ACAP2: variants seen among roughly 807,000 people sequenced by gnomAD.
The protein encoded by ACAP2 is arf-GAP with coiled-coil, ANK repeat and PH domain-containing protein 2.
In ACAP2, 39 loss-of-function variants were observed where a neutral mutation model predicts 115.8. That is an observed-to-expected ratio of 0.34 (90% confidence interval 0.26 to 0.44). The LOEUF (loss-of-function observed/expected upper bound fraction) is 0.44. Ranked by LOEUF, ACAP2 falls within the 20% of genes least tolerant of loss-of-function variation. The pLI, the probability that ACAP2 is intolerant of heterozygous loss-of-function variation, is 1.00. For missense variants in ACAP2, 662 were observed against 927.6 expected, an observed-to-expected ratio of 0.71 and a Z score of 3.72; for synonymous variants, 289 against 315.8, an observed-to-expected ratio of 0.92 and a Z score of 0.90.
At chr3:195,361,032 G>A (rs897327726) in intron 4 of ACAP2, among the ~76,000 whole-genome samples, 3 of 146,928 alleles carry the variant, frequency 2.0e-5, no homozygotes, top group African/African-American at 7.5e-5. Flanking sequence ...GATCTTCTCC[G>A]ACCACAATGG....
chr3:195,351,441 CGTGTGTGTGTGTGTGTGTGTGTGT>C lies in ACAP2; in HGVS notation c.286-6148_286-6125del, dbSNP rs56049053. On this transcript the variant is annotated intron_variant, in intron 4 of 22. Coordinates refer to ENST00000326793, the MANE Select transcript of ACAP2 (RefSeq NM_012287.6). ...CAATAAATCCATATTTTTTCTTTTTCGTGTGTGTGTGTGTGTGTGTGTGTGTGTGTGTGTGTGTGTGTGTGACGG... is the reference window on the plus strand; with the variant it reads ...CAATAAATCCATATTTTTTCTTTTTCGTGTGTGTGTGTGTGTGTGTGACGG... 3.0e-3 allele frequency among the ~76,000 whole-genome samples: 384 copies of C among 130,054 alleles called. 1 individual carries two copies. The highest frequency in any genetic ancestry group is 0.011 in the African/African-American group (376 of 33,892). The allele number at this position is 130,054 out of a possible 152,430, so 85.3% of individuals were successfully genotyped here. A position where few individuals can be genotyped will look rare whatever the true frequency, so the allele number is the denominator to read the frequency against.
chr3:195,421,095 T>G (rs968516108), intron 1 of ACAP2, among the ~76,000 whole-genome samples: 1 of 152,192 alleles, frequency 6.6e-6, no homozygotes, highest in Non-Finnish European at 1.5e-5. Context: ...TATTATCTGT[T>G]TATATATAAT....
chr3:195,398,314 A>C (rs953005056), intron 1 of ACAP2, among the ~76,000 whole-genome samples: 1 of 152,218 alleles, frequency 6.6e-6, no homozygotes, highest in Non-Finnish European at 1.5e-5. Flanking sequence ...AAAGGCCAAG[A>C]AGCAACTGTA....
intron 1 of ACAP2, among the ~76,000 whole-genome samples, chr3:195,400,887 C>T (rs147056253): frequency 2.7e-3 from 414 of 152,182 alleles, no homozygotes; most frequent in African/African-American, 9.4e-3. Flanking sequence ...CAGTTCCAGA[C>T]AAAACTGTCA....
intron 4 of ACAP2, among the ~76,000 whole-genome samples, chr3:195,372,987 C>CAAAAAAAAA (rs869134113): frequency 2.3e-4 from 4 of 17,772 alleles, no homozygotes; most frequent in African/African-American, 5.7e-4. Flanking sequence ...GACTCCATCT[C>CAAAAAAAAA]AAAAAAAAAA....
intron 6 of ACAP2, among the ~76,000 whole-genome samples, chr3:195,341,323 T>TTG (rs1553853635): frequency 7.3e-6 from 1 of 136,270 alleles, no homozygotes; most frequent in Non-Finnish European, 1.6e-5. Context: ...TTGTGTGGGT[T>TTG]TTTTTTTTTT....
intron 10 of ACAP2, among the ~76,000 whole-genome samples, chr3:195,309,795 G>T (rs1274189860): frequency 1.3e-5 from 2 of 151,962 alleles, no homozygotes; most frequent in African/African-American, 4.8e-5. Flanking sequence ...TATTTATATG[G>T]TTCTGCTCAT....
At chr3:195,413,486 T>C (rs562474720) in intron 1 of ACAP2, among the ~76,000 whole-genome samples, 214 of 152,134 alleles carry the variant, frequency 1.4e-3, no homozygotes, top group African/African-American at 4.7e-3. Context: ...CGATGGCTCA[T>C]GACTATAATG....
chr3:195,421,930 G>C (rs909502945), intron 1 of ACAP2, among the ~76,000 whole-genome samples: 1 of 152,022 alleles, frequency 6.6e-6, no homozygotes, highest in Non-Finnish European at 1.5e-5. Context: ...TTAGAAACAA[G>C]TTCCTTTGTT....
chr3:195,400,175 T>A (rs1712157554), intron 1 of ACAP2, among the ~76,000 whole-genome samples: 1 of 149,990 alleles, frequency 6.7e-6, no homozygotes, highest in South Asian at 2.1e-4. Context: ...TGACAGTCCG[T>A]CTCAAAAAAA....
chr3:195,400,507 TAA>T (rs200223859), intron 1 of ACAP2, among the ~76,000 whole-genome samples: 6 of 141,188 alleles, frequency 4.2e-5, no homozygotes, highest in South Asian at 2.2e-4. Flanking sequence ...CTTTTTCCCT[TAA>T]AAAAAAAAAA....
chr3:195,359,612 C>A (rs561589712), intron 4 of ACAP2, among the ~76,000 whole-genome samples: 1 of 152,134 alleles, frequency 6.6e-6, no homozygotes. Context: ...GGACTACAGG[C>A]GCCCGCCACC....
At chr3:195,316,813 C>T (rs916323889) in intron 10 of ACAP2, among the ~76,000 whole-genome samples, 1 of 151,504 alleles carries the variant, frequency 6.6e-6, no homozygotes, top group Non-Finnish European at 1.5e-5. Context: ...TAAAACAAAC[C>T]ATCTACCATG....
At chr3:195,337,810 A>G (rs930952447) in intron 6 of ACAP2, among the ~76,000 whole-genome samples, 1 of 152,088 alleles carries the variant, frequency 6.6e-6, no homozygotes, top group Non-Finnish European at 1.5e-5. Flanking sequence ...ACTTCCTACC[A>G]TGGCCGGCAA....
chr3:195,376,350 C>T (rs1441164912), intron 4 of ACAP2, among the ~76,000 whole-genome samples: 8 of 151,958 alleles, frequency 5.3e-5, no homozygotes, highest in African/African-American at 1.7e-4. Flanking sequence ...GCCAAGGTCA[C>T]GCACTCCAGC....
chr3:195,432,177 A>C (rs1045899402), intron 1 of ACAP2, among the ~76,000 whole-genome samples: 1 of 152,200 alleles, frequency 6.6e-6, no homozygotes, highest in Non-Finnish European at 1.5e-5. Flanking sequence ...TTGAAGCATG[A>C]AAGTTTTTAA....
rs775912047 is a variant in ACAP2 at position 195,306,525 on chromosome 3, C to T, written c.1102G>A (p.Gly368Ser). 7 of 1,606,540 alleles carry T rather than the reference C, an allele frequency of 4.4e-6. No individual in the cohort carries two copies. Among genetic ancestry groups the T allele is most frequent in the East Asian group, 2.2e-5 (1 of 44,570 alleles). ...CCTCTACTAACCTCTGATTCATCAC[C>T]CTTCTCTCTATAAGCAGTAGCAATA... The part of the protein sequence containing the change: ...TSIATAYREK[G>S]DESEKLDKKS... The change falls in exon 13 of 23, where the codon GGT becomes AGT. Residue 368 changes from glycine to serine, a missense_variant. Coordinates refer to ENST00000326793, the MANE Select transcript of ACAP2 (RefSeq NM_012287.6).
intron 1 of ACAP2, among the ~76,000 whole-genome samples, chr3:195,397,509 T>A (rs1177773161): frequency 6.6e-6 from 1 of 152,146 alleles, no homozygotes; most frequent in Non-Finnish European, 1.5e-5. Context: ...ACTTTTATAA[T>A]GTGAATGGCC....
At chr3:195,374,382 C>T (rs1287016773) in intron 4 of ACAP2, among the ~76,000 whole-genome samples, 3 of 152,082 alleles carry the variant, frequency 2.0e-5, no homozygotes, top group African/African-American at 7.2e-5. Context: ...GATCGAGACT[C>T]CATCTAAGAA....
Sources: allele counts gnomAD v4.1 joint callset (sites outside exome capture counted in the v4.1 genomes callset), GRCh38; gene constraint gnomAD v4.1.1; transcripts MANE v1.5; gene names NCBI Gene and HGNC (gene_info 2026-07-23, HGNC 2026-07-21).